CDH4: variants seen among roughly 807,000 people sequenced by gnomAD.
CDH4 encodes the protein cadherin-4.
CDH4 carries 33 observed loss-of-function variants against 86.0 expected under a neutral mutation model. The ratio of observed to expected loss-of-function variants is 0.38; its 90% CI spans 0.29 to 0.51. CDH4 has a LOEUF of 0.51. CDH4 is among the 20% of genes least tolerant of loss of function. The pLI, the probability that CDH4 is intolerant of heterozygous loss-of-function variation, is 0.86. For synonymous variants in CDH4, 555 were observed against 549.4 expected, an observed-to-expected ratio of 1.01 and a Z score of -0.14; for missense variants, 1,114 against 1,307.4, an observed-to-expected ratio of 0.85 and a Z score of 2.28.
Position 61,709,844 on chromosome 20 carries a change from G to A in CDH4, c.170-33719G>A, listed in dbSNP as rs2087870898. Among the ~76,000 whole-genome samples the A allele has an allele frequency of 1.3e-5, 2 of 152,140 alleles. No homozygotes were observed. The highest frequency in any genetic ancestry group is 4.1e-4 in the South Asian group (2 of 4,820). Reference sequence around the variant, plus strand: ...CAAGCTAATTATTCTCATTTGTGTAGCACCTTACACCTCTGTAGATGTTTT... The same window carrying A: ...CAAGCTAATTATTCTCATTTGTGTAACACCTTACACCTCTGTAGATGTTTT... On this transcript the variant is annotated intron_variant, in intron 2 of 15. Coordinates refer to ENST00000614565, the MANE Select transcript of CDH4 (RefSeq NM_001794.5). The surrounding 1 kb of genome is among the most constrained non-coding windows in gnomAD (Gnocchi z 4.8).
At chr20:61,803,750 C>A (rs567538177) in intron 4 of CDH4, among the ~76,000 whole-genome samples, 2 of 152,214 alleles carry the variant, frequency 1.3e-5, no homozygotes, top group Non-Finnish European at 2.9e-5. Flanking sequence ...GCAAATCACT[C>A]GATGTTTATA....
At chr20:61,842,698 T>C (rs1204312241) in intron 4 of CDH4, among the ~76,000 whole-genome samples, 1 of 112,782 alleles carries the variant, frequency 8.9e-6, no homozygotes, top group African/African-American at 2.8e-5. Flanking sequence ...TAACTACAGC[T>C]CTGGAATCTG....
intron 2 of CDH4, among the ~76,000 whole-genome samples, chr20:61,569,546 C>T (rs1275183717): frequency 6.6e-6 from 1 of 152,076 alleles, no homozygotes; most frequent in Non-Finnish European, 1.5e-5. Flanking sequence ...ACCTGTTGCC[C>T]CTAGATACTT....
chr20:61,838,301 G>A (rs896847193), intron 4 of CDH4, among the ~76,000 whole-genome samples: 1 of 152,130 alleles, frequency 6.6e-6, no homozygotes, highest in African/African-American at 2.4e-5. Context: ...GAAGGGTGTG[G>A]AGGGGAAGGC....
At chr20:61,606,591 A>G (rs1345541687) in intron 2 of CDH4, among the ~76,000 whole-genome samples, 1 of 152,248 alleles carries the variant, frequency 6.6e-6, no homozygotes, top group East Asian at 1.9e-4. Context: ...CAAAGGGGCC[A>G]GACCCCCAGG....
At chr20:61,563,361 G>A (rs566113214) in intron 2 of CDH4, among the ~76,000 whole-genome samples, 1 of 152,368 alleles carries the variant, frequency 6.6e-6, no homozygotes, top group East Asian at 1.9e-4. Flanking sequence ...GGTGCAGAGT[G>A]CCAAGGGTGT....
At chr20:61,694,679 C>T (rs1257731199) in intron 2 of CDH4, among the ~76,000 whole-genome samples, 1 of 152,116 alleles carries the variant, frequency 6.6e-6, no homozygotes, top group African/African-American at 2.4e-5. Flanking sequence ...GGCTGCCAGC[C>T]CCACAGTTGG....
chr20:61,829,085 C>T lies in CDH4; in HGVS notation c.577-15583C>T, dbSNP rs1472637881. Among the ~76,000 whole-genome samples the T allele has an allele frequency of 6.6e-6, 1 of 152,236 alleles. No homozygotes were observed. Among genetic ancestry groups the T allele is most frequent in the East Asian group, 1.9e-4 (1 of 5,194 alleles). ...GTCATGCTCGCCCGGCCACCACTCA[C>T]CTCCAGCTGTGCGGCCCAGTTCCTA... On this transcript the variant is annotated intron_variant, in intron 4 of 15. Coordinates refer to ENST00000614565, the MANE Select transcript of CDH4 (RefSeq NM_001794.5). The surrounding 1 kb of genome is among the most constrained non-coding windows in gnomAD (Gnocchi z 4.2).
chr20:61,811,324 G>A lies in CDH4; in HGVS notation c.577-33344G>A, dbSNP rs901706146. ...CCGGCAGCCCAAGACCGCCCTCATC[G>A]GGGGTGGGAATGAAATGCCCCTTCC... On this transcript the variant is annotated intron_variant, in intron 4 of 15. Transcript: ENST00000614565. The surrounding 1 kb of genome is among the most constrained non-coding windows in gnomAD (Gnocchi z 4.4). Among the ~76,000 whole-genome samples the A allele has an allele frequency of 2.0e-5, 3 of 152,146 alleles. No homozygotes were observed. Among genetic ancestry groups the A allele is most frequent in the South Asian group, 2.1e-4 (1 of 4,832 alleles).
chr20:61,645,825 C>T (rs1270916331), intron 2 of CDH4, among the ~76,000 whole-genome samples: 4 of 152,132 alleles, frequency 2.6e-5, no homozygotes, highest in Non-Finnish European at 5.9e-5. Flanking sequence ...CAAGATCACA[C>T]AGCCTGCTGT....
At chr20:61,391,294 A>G (rs558860720) in intron 2 of CDH4, among the ~76,000 whole-genome samples, 94 of 152,268 alleles carry the variant, frequency 6.2e-4, no homozygotes, top group African/African-American at 2.2e-3. Context: ...GGGGCCTGGA[A>G]GCCGTCGGGG....
chr20:61,509,810 A>G (rs1035959096), intron 2 of CDH4, among the ~76,000 whole-genome samples: 5 of 152,102 alleles, frequency 3.3e-5, no homozygotes, highest in Admixed American at 1.3e-4. Flanking sequence ...CACTTGCCCC[A>G]CCGAAGTCTC....
At chr20:61,729,875 AAGAG>A (rs1370229017) in intron 2 of CDH4, among the ~76,000 whole-genome samples, 3 of 152,230 alleles carry the variant, frequency 2.0e-5, no homozygotes, top group African/African-American at 7.2e-5. Context: ...ATGAGACGGC[AAGAG>A]AGAGGTTTCA....
At chr20:61,369,519 T>G (rs937636688) in intron 2 of CDH4, among the ~76,000 whole-genome samples, 1 of 149,896 alleles carries the variant, frequency 6.7e-6, no homozygotes, top group African/African-American at 2.5e-5. Flanking sequence ...GGGTTGGGTC[T>G]GTAGATTAGA....
intron 2 of CDH4, among the ~76,000 whole-genome samples, chr20:61,526,452 G>C (rs1446607804): frequency 6.6e-6 from 1 of 151,768 alleles, no homozygotes; most frequent in African/African-American, 2.4e-5. Context: ...GTTTATATAA[G>C]TCTAAAAAAG....
intron 2 of CDH4, among the ~76,000 whole-genome samples, chr20:61,707,817 G>A (rs764240965): frequency 1.3e-5 from 2 of 152,210 alleles, no homozygotes; most frequent in Non-Finnish European, 2.9e-5. Context: ...TCATGATCGT[G>A]AGACTCTGGT....
intron 2 of CDH4, among the ~76,000 whole-genome samples, chr20:61,353,518 C>T (rs1475079731): frequency 3.3e-5 from 5 of 151,092 alleles, no homozygotes; most frequent in East Asian, 2.0e-4. Context: ...CACAGAAAAC[C>T]GAATATATTC....
At chr20:61,894,813 A>G in intron 7 of CDH4, 97 bp from the exon 8 acceptor site, 1 of 1,362,546 alleles carries the variant, frequency 7.3e-7, no homozygotes. Context: ...GGTTCCAGGA[A>G]CTCCGTTCCT....
At chr20:61,859,035 G>A (rs1242204546) in intron 6 of CDH4, among the ~76,000 whole-genome samples, 1 of 152,194 alleles carries the variant, frequency 6.6e-6, no homozygotes, top group Non-Finnish European at 1.5e-5. Context: ...CCGCCCTCCT[G>A]AGAGTCCCGG....
Sources: allele counts gnomAD v4.1 joint callset (sites outside exome capture counted in the v4.1 genomes callset), GRCh38; gene constraint gnomAD v4.1.1; non-coding constraint Gnocchi (gnomAD v3.1); transcripts MANE v1.5; gene names NCBI Gene and HGNC (gene_info 2026-07-23, HGNC 2026-07-21).